The following POLR1C variants were observed in gnomAD, a reference collection of about 807,000 sequenced individuals.
The protein encoded by POLR1C is DNA-directed RNA polymerases I and III subunit RPAC1.
Under a neutral mutation model 38.3 loss-of-function variants are expected in POLR1C, and 42 were observed. That is an observed-to-expected ratio of 1.10 (90% CI 0.86 to 1.42). The LOEUF (loss-of-function observed/expected upper bound fraction) is 1.42. Among genes scored for constraint, POLR1C ranks in the 40% most tolerant of loss-of-function variants. The pLI is 0.00. For synonymous variants in POLR1C, 163 were observed against 163.9 expected (o/e 0.99, Z 0.04); for missense variants, 507 against 450.5 (o/e 1.13, Z -1.14).
intron 9 of POLR1C, among the ~76,000 whole-genome samples, chr6:43,542,760 T>C (rs962693710): frequency 6.6e-6 from 1 of 152,182 alleles, no homozygotes; most frequent in Non-Finnish European, 1.5e-5. Context: ...AACTCCAGCA[T>C]ATAACTGGTG....
At chr6:43,553,543 A>C in intron 10 of POLR1C, 1 of 1,536,962 alleles carries the variant, frequency 6.5e-7, no homozygotes. Flanking sequence ...ACACACACAC[A>C]CACACAATTA....
intron 8 of POLR1C, chr6:43,528,738 C>A (rs759724558): frequency 7.9e-7 from 1 of 1,265,400 alleles, no homozygotes; most frequent in South Asian, 1.3e-5. Flanking sequence ...TAGTAGACAA[C>A]ACTTCTAGGA....
chr6:43,520,896 A>C (rs1328959018), intron 7 of POLR1C, 36 bp from the exon 8 acceptor site: 1 of 1,608,702 alleles, frequency 6.2e-7, no homozygotes, highest in Non-Finnish European at 8.5e-7. Flanking sequence ...GGCAAATTAG[A>C]AAAAGGAATA....
intron 2 of POLR1C, 135 bp downstream of exon 2, chr6:43,517,512 C>A: frequency 5.3e-6 from 4 of 758,118 alleles, no homozygotes; most frequent in Non-Finnish European, 9.3e-6. Flanking sequence ...GCTAGACGCT[C>A]CGTTTACAGG....
intron 9 of POLR1C, chr6:43,539,846 T>C (rs1794592562): frequency 3.9e-6 from 2 of 514,104 alleles, no homozygotes; most frequent in Non-Finnish European, 6.8e-6. Context: ...CTAATTTAAC[T>C]ACTACCAATA....
At chr6:43,553,584 G>C (rs1795364963) in intron 10 of POLR1C, 1 of 1,495,070 alleles carries the variant, frequency 6.7e-7, no homozygotes, top group Non-Finnish European at 8.9e-7. Context: ...AAGACACAGA[G>C]AGACAATGGA....
chr6:43,561,117 A>G, intron 10 of POLR1C: 1 of 920,738 alleles, frequency 1.1e-6, no homozygotes, highest in Non-Finnish European at 1.7e-6. Context: ...ATGTTGTTTC[A>G]AAAGGACTTT....
exon 10 of POLR1C, chr6:43,551,001 C>T (rs1795201029): frequency 1.5e-5 from 3 of 203,668 alleles, no homozygotes; most frequent in South Asian, 2.8e-4. Flanking sequence ...TAGCATGGTA[C>T]CTGATCCACA....
intron 10 of POLR1C, among the ~76,000 whole-genome samples, chr6:43,553,983 C>T (rs1051946912): frequency 6.6e-6 from 1 of 152,188 alleles, no homozygotes; most frequent in African/African-American, 2.4e-5. Context: ...GCTTCACATC[C>T]AATAGCCTCA....
At chr6:43,535,904 C>T (rs548290672) in intron 9 of POLR1C, among the ~76,000 whole-genome samples, 2 of 151,628 alleles carry the variant, frequency 1.3e-5, no homozygotes, top group Non-Finnish European at 2.9e-5. Context: ...CGGAGAATCA[C>T]CTGAGGCCAG....
rs747543305 is a variant in POLR1C, at chr6:43,517,302, C to G, written c.70-4C>G. On this transcript the variant is annotated splice_polypyrimidine_tract_variant and splice_region_variant and intron_variant, in intron 1 of 8. Transcript: ENST00000642195. ...TCGTGGACAAATTCGTCCCTTTGCT[C>G]TAGGTCCATACTACTGACTTTCCCG... is the stretch of plus-strand genomic sequence containing the variant. The G allele has an allele frequency of 4.3e-6, 7 of 1,614,016 alleles. No individual in the cohort carries two copies. The highest frequency in any genetic ancestry group is 1.3e-5 in the African/African-American group (1 of 75,020).
intron 9 of POLR1C, among the ~76,000 whole-genome samples, chr6:43,544,968 G>A (rs565551876): frequency 1.5e-4 from 23 of 152,250 alleles, no homozygotes; most frequent in African/African-American, 5.3e-4. Context: ...CGCCTCCCGG[G>A]TTCAAGCGAT....
intron 8 of POLR1C, chr6:43,528,128 C>T: frequency 6.3e-7 from 1 of 1,574,928 alleles, no homozygotes; most frequent in Non-Finnish European, 8.6e-7. Context: ...GCCAGTTCAT[C>T]CACCAAGAAG....
intron 9 of POLR1C, chr6:43,547,187 G>C (rs1795005442): frequency 2.8e-6 from 1 of 353,880 alleles, no homozygotes; most frequent in African/African-American, 2.1e-5. Flanking sequence ...TAATTAATGG[G>C]ACTTGTGCCA....
Position 43,561,399 on chromosome 6 carries a change from G to A in POLR1C, c.*49-1G>A, listed in dbSNP as rs535220308. 2 of 165,166 alleles carry A rather than the reference G, an allele frequency of 1.2e-5. No homozygotes were observed. The highest frequency in any genetic ancestry group is 1.2e-4 in the Admixed American group (2 of 16,684). The allele number at this position is 165,166 out of a possible 1,614,324, so 10.2% of individuals were successfully genotyped here. ...TTTCTTTTCTTTTTTTTTTCTTTTA[G>A]ATGGAGTCTCACTCTGTTGCTCAGG... is the stretch of plus-strand genomic sequence containing the variant. On this transcript the variant is annotated splice_acceptor_variant, in intron 10 of 10. Transcript: ENST00000607635. LOFTEE classifies it low-confidence loss of function (3UTR_SPLICE).
At chr6:43,520,036 A>G (rs1367145920) in intron 4 of POLR1C, 30 bp from the exon 5 acceptor site, 2 of 1,613,274 alleles carry the variant, frequency 1.2e-6, no homozygotes, top group Admixed American at 1.7e-5. Flanking sequence ...GACGTTTACT[A>G]GTTCTTAGGA....
Position 43,520,989 on chromosome 6 carries a change from T to TC in POLR1C, c.865dup (p.Arg289ProfsTer3). 6.2e-7 allele frequency: 1 copy of TC among 1,614,142 alleles called. No homozygotes were observed. Among genetic ancestry groups the TC allele is most frequent in the South Asian group, 1.1e-5 (1 of 91,084 alleles). ...CTGGATACCTTCAGCAGAGAAATCT[T>TC]CCGGAATGAGAAGCTAAAGAAGGTT... On this transcript the variant is annotated frameshift_variant, in exon 8 of 9. Transcript: ENST00000642195. LOFTEE classifies it high-confidence loss of function.
At chr6:43,533,547 C>T (rs1794133265), downstream of POLR1C, 1 of 177,220 alleles carries the variant, frequency 5.6e-6, no homozygotes, top group Non-Finnish European at 1.2e-5. Flanking sequence ...GCTGAAGCTG[C>T]TCAAGGAACC....
At chr6:43,559,945 T>C (rs541733136) in intron 10 of POLR1C, among the ~76,000 whole-genome samples, 1 of 152,290 alleles carries the variant, frequency 6.6e-6, no homozygotes, top group South Asian at 2.1e-4. Context: ...GCCTCCCCAG[T>C]AGCTGGGTCT....
Sources: allele counts gnomAD v4.1 joint callset (sites outside exome capture counted in the v4.1 genomes callset), GRCh38; gene constraint gnomAD v4.1.1; transcripts MANE v1.5; gene names NCBI Gene and HGNC (gene_info 2026-07-23, HGNC 2026-07-21).